Variants in FKBP5 observed in about 807,000 individuals in gnomAD.
The protein encoded by FKBP5 is FKBP prolyl isomerase 5.
Under a neutral mutation model 50.5 loss-of-function variants are expected in FKBP5, and 23 were observed. That is an observed-to-expected ratio of 0.46 (90% CI 0.33 to 0.65). The LOEUF is 0.65. Among genes scored for constraint, FKBP5 ranks in the 30% least tolerant of loss-of-function variants. The probability of loss-of-function intolerance (pLI) is 0.02; values close to 1 mark genes in which losing one functional copy is unlikely to be tolerated. For missense variants in FKBP5, 411 were observed against 553.1 expected (o/e 0.74, Z 2.58); for synonymous variants, 176 against 190.6 (o/e 0.92, Z 0.63).
intron 1 of FKBP5, among the ~76,000 whole-genome samples, chr6:35,679,331 T>G (rs1372617397): frequency 1.9e-4 from 29 of 152,230 alleles, no homozygotes; most frequent in Admixed American, 1.9e-3. Flanking sequence ...GCAGATACTT[T>G]TCAAAGAATG....
At chr6:35,637,911 C>T (rs993612033) in intron 2 of FKBP5, among the ~76,000 whole-genome samples, 1 of 152,160 alleles carries the variant, frequency 6.6e-6, no homozygotes, top group Non-Finnish European at 1.5e-5. Context: ...AAAACATTAG[C>T]TCCTGACTAG....
intron 5 of FKBP5, among the ~76,000 whole-genome samples, chr6:35,602,897 A>T (rs903770622): frequency 1.3e-5 from 2 of 152,188 alleles, no homozygotes; most frequent in African/African-American, 4.8e-5. Context: ...AACAAGAAGT[A>T]TACACCCAGC....
intron 1 of FKBP5, among the ~76,000 whole-genome samples, chr6:35,723,601 GGA>G (rs1561910943): frequency 6.6e-6 from 1 of 152,212 alleles, no homozygotes; most frequent in East Asian, 1.9e-4. Context: ...CAGTGAACAA[GGA>G]GAGAGAAATT....
At chr6:35,634,022 T>C (rs1030230397) in intron 3 of FKBP5, among the ~76,000 whole-genome samples, 5 of 152,226 alleles carry the variant, frequency 3.3e-5, no homozygotes, top group Admixed American at 3.3e-4. Context: ...CAGAAAATCT[T>C]CTTACTCTGC....
At chr6:35,627,389 C>T (rs1017394815) in intron 3 of FKBP5, among the ~76,000 whole-genome samples, 1 of 152,132 alleles carries the variant, frequency 6.6e-6, no homozygotes, top group Non-Finnish European at 1.5e-5. Flanking sequence ...GTGACCCTCC[C>T]ACCTAGGTCT....
At chr6:35,602,324 G>T (rs1006807140) in intron 5 of FKBP5, among the ~76,000 whole-genome samples, 1 of 152,092 alleles carries the variant, frequency 6.6e-6, no homozygotes, top group Non-Finnish European at 1.5e-5. Context: ...ATTAGCTCTG[G>T]TAAGTGTCTA....
intron 5 of FKBP5, among the ~76,000 whole-genome samples, chr6:35,606,409 G>A (rs1763315322): frequency 6.6e-6 from 1 of 151,992 alleles, no homozygotes; most frequent in African/African-American, 2.4e-5. Flanking sequence ...TTTAATCCCA[G>A]CACTTTGGGA....
intron 2 of FKBP5, among the ~76,000 whole-genome samples, chr6:35,715,940 G>A (rs1766504032): frequency 6.6e-6 from 1 of 152,210 alleles, no homozygotes; most frequent in South Asian, 2.1e-4. Flanking sequence ...GGCAGTGGTG[G>A]TGAGGCCTTA....
intron 1 of FKBP5, among the ~76,000 whole-genome samples, chr6:35,728,255 A>T (rs1248010127): frequency 6.6e-6 from 1 of 152,158 alleles, no homozygotes; most frequent in Non-Finnish European, 1.5e-5. Flanking sequence ...GGCACTCGGC[A>T]GCTCCCTGGA....
At chr6:35,658,192 C>T (rs766788184) in intron 1 of FKBP5, among the ~76,000 whole-genome samples, 2 of 151,922 alleles carry the variant, frequency 1.3e-5, no homozygotes, top group East Asian at 1.9e-4. Flanking sequence ...CTGGCTAACA[C>T]GGTGAAACCC....
In FKBP5 at chr6:35,659,248, A is replaced by AT. The variant is rs1171151862; in HGVS notation, c.-19-16406dup. Among the ~76,000 whole-genome samples, 157 of 68,504 alleles carry AT rather than the reference A, an allele frequency of 2.3e-3. 21 individuals carry two copies. Among genetic ancestry groups the AT allele is most frequent in the Non-Finnish European group, 3.3e-3 (101 of 30,230 alleles). The allele number at this position is 68,504 out of a possible 152,430, so 44.9% of individuals were successfully genotyped here. A position where few individuals can be genotyped will look rare whatever the true frequency, so the allele number is the denominator to read the frequency against. On this transcript the variant is annotated intron_variant, in intron 1 of 10. Coordinates refer to ENST00000357266, the MANE Select transcript of FKBP5 (RefSeq NM_004117.4). Reference sequence around the variant, plus strand: ...CTAGAGTTTTCTTTGTGGGAATTCAATTTTTTTTTTTTTTTCGAGACTGAG... The same window carrying AT: ...CTAGAGTTTTCTTTGTGGGAATTCAATTTTTTTTTTTTTTTTCGAGACTGAG...
intron 1 of FKBP5, among the ~76,000 whole-genome samples, chr6:35,687,856 G>A (rs991889622): frequency 3.9e-5 from 6 of 152,156 alleles, no homozygotes; most frequent in African/African-American, 1.2e-4. Context: ...TGCAGAACCC[G>A]ATTTTAGAGA....
At chr6:35,704,624 C>T (rs1766248028) in intron 2 of FKBP5, among the ~76,000 whole-genome samples, 1 of 152,034 alleles carries the variant, frequency 6.6e-6, no homozygotes, top group Non-Finnish European at 1.5e-5. Flanking sequence ...CCATATATCA[C>T]ATATAGGCCT....
In FKBP5 at chr6:35,595,298, A is replaced by AAATGT. The variant is rs532736280; in HGVS notation, c.665+1945_665+1949dup. ...CACAATTGCCTTGTCAGCCAGGCTA[A>AAATGT]AATGTAATGTATATAAACTGGTTCC... On this transcript the variant is annotated intron_variant, in intron 6 of 10. Transcript: ENST00000357266. Among the ~76,000 whole-genome samples, 1,133 of 152,384 alleles carry AAATGT rather than the reference A, an allele frequency of 7.4e-3. 11 individuals are homozygous for AAATGT. Among genetic ancestry groups the AAATGT allele is most frequent in the Non-Finnish European group, 0.014 (985 of 68,034 alleles).
intron 2 of FKBP5, among the ~76,000 whole-genome samples, chr6:35,714,569 C>A (rs1265572323): frequency 6.6e-6 from 1 of 151,724 alleles, no homozygotes; most frequent in Non-Finnish European, 1.5e-5. Context: ...GTAATCACAG[C>A]ACTTTGGGAG....
chr6:35,720,540 G>C (rs990256924), exon 2 of FKBP5: 1 of 152,336 alleles, frequency 6.6e-6, no homozygotes, highest in African/African-American at 2.4e-5. Flanking sequence ...CCGGCAGCGA[G>C]GAATTTCCCT....
chr6:35,683,339 A>G (rs1291412409), intron 1 of FKBP5, among the ~76,000 whole-genome samples: 4 of 151,960 alleles, frequency 2.6e-5, no homozygotes, highest in African/African-American at 9.7e-5. Context: ...TTTTGTAGAA[A>G]TGGGGTCTTA....
rs34841223 is a variant in FKBP5 at position 35,707,215 on chromosome 6, C to CTTTTTTTTT, written c.-20+13104_-20+13112dup. Among the ~76,000 whole-genome samples the CTTTTTTTTT allele has an allele frequency of 5.1e-5, 6 of 116,928 alleles. 1 individual carries two copies. The highest frequency in any genetic ancestry group is 6.6e-5 in the Non-Finnish European group (4 of 60,196). 76.7% of individuals were successfully genotyped at this position (116,928 alleles called of 152,430 possible). On this transcript the variant is annotated intron_variant, in intron 2 of 11. Transcript: ENST00000536438. ...CAGATCACTGGTAAGTATGAGAAGACTTTTTTTTTTTTTTTTTTGAGATGG... is the reference window on the plus strand; with the variant it reads ...CAGATCACTGGTAAGTATGAGAAGACTTTTTTTTTTTTTTTTTTTTTTTTTTTGAGATGG...
rs374114600 is a variant in FKBP5 at position 35,644,638 on chromosome 6, C to T, written c.-19-1795G>A. ...AGGATAAGCGAAAGGCCAGAACAATCGTTCTCAAACAAACAACAAAAATTA... is the reference window on the plus strand; with the variant it reads ...AGGATAAGCGAAAGGCCAGAACAATTGTTCTCAAACAAACAACAAAAATTA... On this transcript the variant is annotated intron_variant, in intron 1 of 10. Transcript: ENST00000357266. 4.6e-5 allele frequency among the ~76,000 whole-genome samples: 7 copies of T among 152,226 alleles called. No individual in the cohort carries two copies. In the East Asian group the frequency reaches 7.7e-4, roughly 17 times the overall value.
Sources: gnomAD v4.1 joint callset for allele counts (sites outside exome capture counted in the v4.1 genomes callset) on GRCh38, gnomAD v4.1.1 for gene constraint, MANE v1.5 for transcripts, NCBI Gene and HGNC (gene_info 2026-07-23, HGNC 2026-07-21) for gene names.